Variants in LRP1B observed in about 807,000 individuals in gnomAD.
LRP1B encodes LDL receptor related protein 1B.
Under a neutral mutation model 556.6 loss-of-function variants are expected in LRP1B, and 217 were observed. The observed-to-expected ratio is 0.39, with a 90% CI of 0.35 to 0.44. LRP1B has a LOEUF of 0.44. LRP1B is among the 20% of genes least tolerant of loss of function. LRP1B has a pLI of 1.00. For synonymous variants in LRP1B, 2,047 were observed against 1,865.8 expected (o/e 1.10, Z -2.50); for missense variants, 5,053 against 5,620.8 (o/e 0.90, Z 3.23).
intron 1 of LRP1B, among the ~76,000 whole-genome samples, chr2:142,120,161 G>A (rs1410658683): frequency 6.6e-6 from 1 of 152,122 alleles, no homozygotes; most frequent in Non-Finnish European, 1.5e-5. Context: ...GCTCAGGTTG[G>A]AGTGCTGTGG....
chr2:140,573,597 G>A (rs961920508), intron 43 of LRP1B, among the ~76,000 whole-genome samples: 2 of 151,980 alleles, frequency 1.3e-5, no homozygotes, highest in African/African-American at 4.8e-5. Context: ...GACCATTTGG[G>A]ATTTGATGAC....
intron 52 of LRP1B, among the ~76,000 whole-genome samples, chr2:140,509,507 C>G (rs577105615): frequency 4.7e-4 from 71 of 152,212 alleles, no homozygotes; most frequent in Admixed American, 9.8e-4. Flanking sequence ...GTTTACTGAC[C>G]TCCTGATCAG....
chr2:141,877,851 G>A (rs963306863), intron 1 of LRP1B, among the ~76,000 whole-genome samples: 2 of 151,920 alleles, frequency 1.3e-5, no homozygotes, highest in African/African-American at 4.8e-5. Context: ...CAGTATTTTA[G>A]AGCTCACCAA....
intron 3 of LRP1B, among the ~76,000 whole-genome samples, chr2:141,271,336 TA>T (rs758032052): frequency 4.3e-4 from 62 of 142,646 alleles, no homozygotes; most frequent in South Asian, 6.6e-4. Context: ...ACAACAACAT[TA>T]AAAAAAAAAC....
chr2:140,325,751 A>C lies in LRP1B; in HGVS notation c.12340+11T>G. On this transcript the variant is annotated intron_variant, in intron 80 of 90. Coordinates refer to ENST00000389484, the MANE Select transcript of LRP1B (RefSeq NM_018557.3). ...AACAATTAAAAATGAAGACAAAAGC[A>C]CTTCACAAACCTTGTTTGCTGCTGA... 1.3e-6 allele frequency: 2 copies of C among 1,555,498 alleles called. No individual in the cohort carries two copies. The highest frequency in any genetic ancestry group is 1.8e-6 in the Non-Finnish European group (2 of 1,131,218).
intron 7 of LRP1B, among the ~76,000 whole-genome samples, chr2:141,068,524 A>G (rs1260496371): frequency 6.9e-6 from 1 of 145,910 alleles, no homozygotes; most frequent in Non-Finnish European, 1.5e-5. Context: ...GGCCAGGGCC[A>G]TGTTGTCTCC....
intron 3 of LRP1B, among the ~76,000 whole-genome samples, chr2:141,465,672 C>G: frequency 6.6e-6 from 1 of 151,992 alleles, no homozygotes; most frequent in East Asian, 1.9e-4. Flanking sequence ...ACCTCAGCCC[C>G]CCAAGTAGCT....
chr2:141,556,856 AT>A (rs1446346966), intron 2 of LRP1B, among the ~76,000 whole-genome samples: 1 of 151,756 alleles, frequency 6.6e-6, no homozygotes, highest in African/African-American at 2.4e-5. Flanking sequence ...AAGTTAAGTA[AT>A]TTGCTCCAGG....
chr2:141,189,403 C>T (rs1249566927), intron 6 of LRP1B, among the ~76,000 whole-genome samples: 5 of 151,954 alleles, frequency 3.3e-5, no homozygotes, highest in East Asian at 1.9e-4. Context: ...GTTCCTGGAA[C>T]TTGTGATACA....
At chr2:141,281,817 T>C (rs904132978) in intron 3 of LRP1B, among the ~76,000 whole-genome samples, 3 of 152,072 alleles carry the variant, frequency 2.0e-5, no homozygotes, top group Non-Finnish European at 2.9e-5. Flanking sequence ...ACAGACTGTT[T>C]CACATCCAGT....
At chr2:140,481,164 C>G (rs921960474) in intron 59 of LRP1B, among the ~76,000 whole-genome samples, 1 of 152,186 alleles carries the variant, frequency 6.6e-6, no homozygotes, top group African/African-American at 2.4e-5. Flanking sequence ...CTGTGCCCAG[C>G]CCTTACCTGT....
At chr2:140,269,162 AG>A (rs1682343707) in intron 86 of LRP1B, 1 of 419,416 alleles carries the variant, frequency 2.4e-6, no homozygotes, top group Non-Finnish European at 4.9e-6. Flanking sequence ...CCCGAGATTA[AG>A]TATACTCTGT....
chr2:140,495,500 G>A (rs2104872168), intron 56 of LRP1B, 65 bp downstream of exon 56: 1 of 1,411,160 alleles, frequency 7.1e-7, no homozygotes, highest in Non-Finnish European at 9.7e-7. Flanking sequence ...AATAAGAACG[G>A]CTATAAAATT....
At chr2:141,616,406 C>T (rs1039128543) in intron 2 of LRP1B, among the ~76,000 whole-genome samples, 1 of 152,134 alleles carries the variant, frequency 6.6e-6, no homozygotes, top group Admixed American at 6.5e-5. Flanking sequence ...ATTATCTCCT[C>T]AGTAACTTTC....
At chr2:140,863,185 A>G (rs944654774) in intron 27 of LRP1B, among the ~76,000 whole-genome samples, 3 of 152,206 alleles carry the variant, frequency 2.0e-5, no homozygotes, top group African/African-American at 7.2e-5. Flanking sequence ...TTACACACAC[A>G]CACATATATA....
intron 41 of LRP1B, among the ~76,000 whole-genome samples, chr2:140,609,494 T>A (rs913885117): frequency 6.6e-6 from 1 of 152,142 alleles, no homozygotes; most frequent in African/African-American, 2.4e-5. Context: ...AATTAATATA[T>A]CTTTGGGTAT....
chr2:141,911,318 G>T (rs1306771817), intron 1 of LRP1B, among the ~76,000 whole-genome samples: 1 of 152,078 alleles, frequency 6.6e-6, no homozygotes, highest in Non-Finnish European at 1.5e-5. Context: ...GAGAATTCCA[G>T]TTATATTTCT....
intron 7 of LRP1B, among the ~76,000 whole-genome samples, chr2:141,112,434 C>T (rs1700779005): frequency 6.6e-6 from 1 of 152,060 alleles, no homozygotes; most frequent in Admixed American, 6.6e-5. Context: ...AAGTGTAGTG[C>T]TGAGGTGCTG....
At chr2:141,463,852 A>G (rs1682047478) in intron 3 of LRP1B, among the ~76,000 whole-genome samples, 1 of 130,806 alleles carries the variant, frequency 7.6e-6, no homozygotes, top group Admixed American at 8.4e-5. Context: ...TATTACATAT[A>G]ATATATAATT....
Sources: gnomAD v4.1 joint callset for allele counts (sites outside exome capture counted in the v4.1 genomes callset) on GRCh38, gnomAD v4.1.1 for gene constraint, MANE v1.5 for transcripts, NCBI Gene and HGNC (gene_info 2026-07-23, HGNC 2026-07-21) for gene names.